The following NDST3 variants were observed in gnomAD, a reference collection of about 807,000 sequenced individuals.
The protein encoded by NDST3 is N-deacetylase and N-sulfotransferase 3.
A neutral mutation model predicts 96.1 loss-of-function variants in NDST3; 58 were observed. The ratio of observed to expected loss-of-function variants is 0.60; its 90% CI spans 0.49 to 0.75. The LOEUF (loss-of-function observed/expected upper bound fraction) is 0.75. Ranked by LOEUF, NDST3 falls within the 30% of genes least tolerant of loss-of-function variation. The pLI is 0.00. For missense variants in NDST3, 788 were observed against 1,034.2 expected (o/e 0.76, Z 3.27); for synonymous variants, 333 against 359.7 (o/e 0.93, Z 0.84).
intron 2 of NDST3, among the ~76,000 whole-genome samples, chr4:118,098,774 C>G (rs1488811379): frequency 6.6e-6 from 1 of 151,908 alleles, no homozygotes; most frequent in Non-Finnish European, 1.5e-5. Flanking sequence ...GAAAAAATAC[C>G]AAGAAGGGTT....
chr4:118,086,637 C>A (rs1015253566), intron 2 of NDST3, among the ~76,000 whole-genome samples: 1 of 152,116 alleles, frequency 6.6e-6, no homozygotes, highest in Non-Finnish European at 1.5e-5. Context: ...GTTGGAAAAT[C>A]ACAATAGAGC....
At chr4:118,096,331 G>T (rs1445871062) in intron 2 of NDST3, among the ~76,000 whole-genome samples, 1 of 151,752 alleles carries the variant, frequency 6.6e-6, no homozygotes, top group East Asian at 1.9e-4. Flanking sequence ...ATCAGGGCTT[G>T]TCTGTTCTCT....
intron 6 of NDST3, among the ~76,000 whole-genome samples, chr4:118,215,864 A>T (rs1393318344): frequency 2.6e-5 from 4 of 152,060 alleles, no homozygotes; most frequent in Non-Finnish European, 5.9e-5. Context: ...TAATTAGGGG[A>T]TGATTAGGGA....
chr4:118,195,510 T>C (rs1033600927), intron 6 of NDST3, among the ~76,000 whole-genome samples: 3 of 152,256 alleles, frequency 2.0e-5, no homozygotes, highest in African/African-American at 7.2e-5. Context: ...TGGAACTGTA[T>C]GTCCATTAAA....
At chr4:118,106,540 A>C (rs865976981) in intron 3 of NDST3, among the ~76,000 whole-genome samples, 1 of 151,854 alleles carries the variant, frequency 6.6e-6, no homozygotes, top group East Asian at 1.9e-4. Flanking sequence ...GGGTCTCACT[A>C]TGTTGCCTAG....
At chr4:118,071,043 A>G (rs990954547) in intron 2 of NDST3, among the ~76,000 whole-genome samples, 3 of 152,054 alleles carry the variant, frequency 2.0e-5, no homozygotes, top group African/African-American at 7.2e-5. Context: ...GTCCCTAGAA[A>G]GGACATGAAC....
At chr4:118,169,882 A>G (rs1735817797) in intron 6 of NDST3, among the ~76,000 whole-genome samples, 1 of 152,040 alleles carries the variant, frequency 6.6e-6, no homozygotes, top group Non-Finnish European at 1.5e-5. Flanking sequence ...AGAGCTGGAA[A>G]ACCAGGTGGC....
In NDST3 at chr4:118,253,584, C is replaced by A. The variant is rs776437243; in HGVS notation, c.2485C>A (p.Pro829Thr). ...CLGKSKGRKY[P>T]PMDSDSRTFL... ...TGGAAAGAGCAAAGGAAGAAAATACCCTCCAATGGATTCTGATGTAAGCAT... is the reference window on the plus strand; with the variant it reads ...TGGAAAGAGCAAAGGAAGAAAATACACTCCAATGGATTCTGATGTAAGCAT... The change falls in exon 13 of 14, where the codon CCT becomes ACT. Residue 829 changes from proline to threonine, a missense_variant. Coordinates refer to ENST00000296499, the MANE Select transcript of NDST3 (RefSeq NM_004784.3). 1.2e-6 allele frequency: 2 copies of A among 1,608,536 alleles called. No individual in the cohort carries two copies. Among genetic ancestry groups the A allele is most frequent in the Non-Finnish European group, 1.7e-6 (2 of 1,176,052 alleles).
intron 2 of NDST3, among the ~76,000 whole-genome samples, chr4:118,077,917 G>A (rs1050251375): frequency 1.3e-5 from 2 of 152,210 alleles, no homozygotes; most frequent in East Asian, 1.9e-4. Flanking sequence ...TGGCAGGAGT[G>A]AGTGGGGTTG....
intron 2 of NDST3, among the ~76,000 whole-genome samples, chr4:118,069,232 G>A (rs1578574976): frequency 6.6e-6 from 1 of 151,996 alleles, no homozygotes; most frequent in Non-Finnish European, 1.5e-5. Flanking sequence ...TTTCCTAAAG[G>A]GGAAGGAACA....
intron 4 of NDST3, among the ~76,000 whole-genome samples, chr4:118,137,417 T>C (rs1175790206): frequency 6.6e-6 from 1 of 152,028 alleles, no homozygotes; most frequent in Non-Finnish European, 1.5e-5. Context: ...GTTCCCAGAA[T>C]ATTTGGCTGT....
chr4:118,198,997 T>G lies in NDST3; in HGVS notation c.1540-25494T>G, dbSNP rs1004133156. 3.3e-5 allele frequency among the ~76,000 whole-genome samples: 5 copies of G among 152,160 alleles called. No homozygotes were observed. The East Asian group carries it at 7.7e-4, about 23-fold the overall frequency. On this transcript the variant is annotated intron_variant, in intron 6 of 13. Coordinates refer to ENST00000296499, the MANE Select transcript of NDST3 (RefSeq NM_004784.3). The stretch of plus-strand genomic sequence containing the variant: ...TGGAACCTTTTTTTATCCTTGACCT[T>G]TGCAAGTTGAATTACCAGATGCCTT...
Position 118,138,254 on chromosome 4 carries a change from G to A in NDST3, c.1410+15G>A. 3 of 1,608,016 alleles carry A rather than the reference G, an allele frequency of 1.9e-6. No homozygotes were observed. The South Asian group carries it at 3.3e-5, about 18-fold the overall frequency. On this transcript the variant is annotated intron_variant, in intron 5 of 13. Coordinates refer to ENST00000296499, the MANE Select transcript of NDST3 (RefSeq NM_004784.3). ...AAAACATCATGGTGAGCTTCCTCCA[G>A]TATGCATAGGGTACAACTAATTCTG...
At chr4:118,132,554 A>G (rs1732722878) in intron 4 of NDST3, among the ~76,000 whole-genome samples, 1 of 151,988 alleles carries the variant, frequency 6.6e-6, no homozygotes. Flanking sequence ...TTGTTGCTCT[A>G]CCCCACTGTG....
chr4:118,167,781 G>C (rs79040525), intron 6 of NDST3, among the ~76,000 whole-genome samples: 10 of 152,082 alleles, frequency 6.6e-5, no homozygotes, highest in Non-Finnish European at 1.0e-4. Flanking sequence ...ACTGACCTTT[G>C]ACAAGGGCAT....
intron 6 of NDST3, among the ~76,000 whole-genome samples, chr4:118,197,006 C>G (rs748134866): frequency 1.6e-4 from 24 of 150,662 alleles, no homozygotes; most frequent in Non-Finnish European, 3.5e-4. Context: ...ACTGCTTTTG[C>G]TGTATTCCAT....
intron 6 of NDST3, among the ~76,000 whole-genome samples, chr4:118,172,046 G>A (rs994530727): frequency 1.3e-5 from 2 of 152,114 alleles, no homozygotes; most frequent in Non-Finnish European, 2.9e-5. Flanking sequence ...TGAGAAATTG[G>A]TTATTTAGTA....
intron 6 of NDST3, among the ~76,000 whole-genome samples, chr4:118,213,985 T>C (rs955326232): frequency 3.3e-5 from 5 of 152,108 alleles, no homozygotes; most frequent in African/African-American, 9.7e-5. Flanking sequence ...TACAACCTGA[T>C]CCCTGCTCTT....
chr4:118,111,526 T>C (rs1446342551), intron 3 of NDST3, among the ~76,000 whole-genome samples: 1 of 124,524 alleles, frequency 8.0e-6, no homozygotes, highest in Non-Finnish European at 1.7e-5. Context: ...CAACTAATTT[T>C]TAATCATGAT....
Sources: gnomAD v4.1 joint callset for allele counts (sites outside exome capture counted in the v4.1 genomes callset) on GRCh38, gnomAD v4.1.1 for gene constraint, MANE v1.5 for transcripts, NCBI Gene and HGNC (gene_info 2026-07-23, HGNC 2026-07-21) for gene names.